The following MTMR3 variants were observed in gnomAD, a reference collection of about 807,000 sequenced individuals.
The protein encoded by MTMR3 is myotubularin related protein 3.
MTMR3 carries 32 observed loss-of-function variants against 132.4 expected under a neutral mutation model. The ratio of observed to expected loss-of-function variants is 0.24; its 90% CI spans 0.18 to 0.32. The LOEUF (loss-of-function observed/expected upper bound fraction) is 0.32. MTMR3 is among the 10% of genes least tolerant of loss of function. MTMR3 has a pLI of 1.00. For missense variants in MTMR3, 1,216 were observed against 1,489.6 expected, an observed-to-expected ratio of 0.82 and a Z score of 3.02; for synonymous variants, 556 against 550.3, an observed-to-expected ratio of 1.01 and a Z score of -0.14.
rs2067777741 is a variant in MTMR3, at chr22:30,022,204, C to G, written c.3336+65C>G. 6.2e-6 allele frequency: 8 copies of G among 1,298,788 alleles called. No individual in the cohort carries two copies. The South Asian group carries it at 8.6e-5, about 14-fold the overall frequency. The allele number at this position is 1,298,788 out of a possible 1,614,324, so 80.5% of individuals were successfully genotyped here. On this transcript the variant is annotated intron_variant, in intron 18 of 19. Coordinates refer to ENST00000401950, the MANE Select transcript of MTMR3 (RefSeq NM_021090.4). The stretch of plus-strand genomic sequence containing the variant: ...CTGTTTTGTGGTTCTTCTCCACCCC[C>G]ATTCCCACCCCATACCCCTGGCCAA...
At chr22:29,919,125 AAT>A (rs2065361756) in intron 1 of MTMR3, among the ~76,000 whole-genome samples, 2 of 152,182 alleles carry the variant, frequency 1.3e-5, no homozygotes. Context: ...TTTTTCGGAA[AAT>A]ATATGACTGC....
At chr22:29,935,386 G>A (rs762482927) in intron 1 of MTMR3, among the ~76,000 whole-genome samples, 10 of 152,064 alleles carry the variant, frequency 6.6e-5, no homozygotes, top group Non-Finnish European at 1.2e-4. Flanking sequence ...TGCCTGAATT[G>A]GGTTTTGAGA....
chr22:29,999,696 G>C (rs2067129729), intron 8 of MTMR3: 1 of 152,188 alleles, frequency 6.6e-6, no homozygotes, highest in South Asian at 2.1e-4. Flanking sequence ...TCACTGCTAT[G>C]ATCATTTAAC....
At chr22:29,908,201 C>T (rs1040863780) in intron 1 of MTMR3, among the ~76,000 whole-genome samples, 1 of 152,154 alleles carries the variant, frequency 6.6e-6, no homozygotes, top group African/African-American at 2.4e-5. Flanking sequence ...TTCTACGGAC[C>T]TGGATGAGAA....
chr22:29,911,283 C>T (rs776070006), intron 1 of MTMR3, among the ~76,000 whole-genome samples: 2 of 152,152 alleles, frequency 1.3e-5, no homozygotes, highest in Non-Finnish European at 2.9e-5. Context: ...GTGGCTCGCA[C>T]CTGTAATCAC....
At chr22:29,949,131 ACACACACACACACCCCCC>A (rs1569019580) in intron 1 of MTMR3, among the ~76,000 whole-genome samples, 3 of 31,568 alleles carry the variant, frequency 9.5e-5, no homozygotes, top group East Asian at 8.8e-4. Flanking sequence ...ACACACACAC[ACACACACACACACCCCCC>A]CCCCCCCCCC....
At chr22:29,928,165 T>G (rs1035640534) in intron 1 of MTMR3, among the ~76,000 whole-genome samples, 1 of 125,250 alleles carries the variant, frequency 8.0e-6, no homozygotes, top group African/African-American at 3.2e-5. Flanking sequence ...ACTACATTTT[T>G]TTTTTCTTTT....
chr22:29,996,861 G>A (rs2145918292), intron 7 of MTMR3: 1 of 152,166 alleles, frequency 6.6e-6, no homozygotes, highest in African/African-American at 2.4e-5. Context: ...TCAAGTAGCT[G>A]GGACTATAGG....
In MTMR3 at chr22:30,020,408, T is replaced by C; in HGVS notation, c.2749T>C (p.Leu917=). ...CAGCCTGACACGTTCCCCTTGTGCC[T>C]TGCCTTTAGCCGAATGTAAAGAGGG... The part of the protein sequence containing the change: ...TLSLTRSPCA[L]PLAECKEGLV... Residue 917 remains leucine (L), a synonymous_variant, in exon 17 of 20, where the codon TTG becomes CTG. Transcript: ENST00000401950. The C allele has an allele frequency of 6.2e-7, 1 of 1,614,204 alleles. No individual in the cohort carries two copies. Among genetic ancestry groups the C allele is most frequent in the South Asian group, 1.1e-5 (1 of 91,090 alleles).
At chr22:29,992,885 C>G (rs2066992086) in intron 7 of MTMR3, 1 of 152,194 alleles carries the variant, frequency 6.6e-6, no homozygotes, top group African/African-American at 2.4e-5. Flanking sequence ...TTGATAAATA[C>G]TTTTGTTTGA....
intron 3 of MTMR3, among the ~76,000 whole-genome samples, chr22:29,972,768 G>A (rs566407608): frequency 4.6e-5 from 7 of 152,102 alleles, no homozygotes; most frequent in African/African-American, 1.2e-4. Context: ...ACGGGGTTTC[G>A]CCATGTTGGC....
intron 1 of MTMR3, among the ~76,000 whole-genome samples, chr22:29,909,952 G>A (rs1208490500): frequency 6.6e-6 from 1 of 151,916 alleles, no homozygotes; most frequent in Non-Finnish European, 1.5e-5. Context: ...TGAGGAGACC[G>A]AGACCATCCT....
rs1316742660 is a variant in MTMR3 at position 30,026,401 on chromosome 22, C to T, written c.*600C>T. On this transcript the variant is annotated 3_prime_UTR_variant, in exon 20 of 20. Transcript: ENST00000401950. ...AGGCTGATGTTTGGAGGGAGAGGCA[C>T]ACGGTAAATGGCATCCCCTTAGGCG... 1 of 152,816 alleles carries T rather than the reference C, an allele frequency of 6.5e-6. No individual in the cohort carries two copies. The highest frequency in any genetic ancestry group is 2.4e-5 in the African/African-American group (1 of 41,456). The allele number at this position is 152,816 out of a possible 1,614,324, so 9.5% of individuals were successfully genotyped here. A position where few individuals can be genotyped will look rare whatever the true frequency, so the allele number is the denominator to read the frequency against.
intron 2 of MTMR3, among the ~76,000 whole-genome samples, chr22:29,970,304 A>G (rs567549697): frequency 1.3e-5 from 2 of 152,252 alleles, no homozygotes; most frequent in East Asian, 3.9e-4. Flanking sequence ...CTAAAATACT[A>G]CAAGAATAAT....
At chr22:29,970,951 T>TTCCCCTTTTTCCCCCCC in intron 2 of MTMR3, 25 bp from the exon 3 acceptor site, 2 of 680,382 alleles carry the variant, frequency 2.9e-6, no homozygotes, top group Non-Finnish European at 4.6e-6. Flanking sequence ...TTTTTCTTCT[T>TTCCCCTTTTTCCCCCCC]CCCCCTCTTC....
At chr22:29,977,234 A>C (rs746792345) in intron 3 of MTMR3, among the ~76,000 whole-genome samples, 1 of 152,110 alleles carries the variant, frequency 6.6e-6, no homozygotes, top group African/African-American at 2.4e-5. Flanking sequence ...GGAGGTTACA[A>C]TTAGCTGTGA....
chr22:29,959,019 C>G (rs75167998), intron 2 of MTMR3, among the ~76,000 whole-genome samples: 5 of 152,234 alleles, frequency 3.3e-5, no homozygotes, highest in East Asian at 1.9e-4. Flanking sequence ...CCTTGTAGTC[C>G]AAGTTGCTCC....
At chr22:29,909,837 C>G (rs1370317122) in intron 1 of MTMR3, among the ~76,000 whole-genome samples, 1 of 152,132 alleles carries the variant, frequency 6.6e-6, no homozygotes, top group Non-Finnish European at 1.5e-5. Context: ...TGCCTCAGAT[C>G]GAGCTTGAAA....
At position 30,028,380 on chromosome 22, in the gene MTMR3, C is replaced by T. The variant is rs565681315; in HGVS notation, c.*2579C>T. On this transcript the variant is annotated 3_prime_UTR_variant, in exon 20 of 20. Transcript: ENST00000401950. ...TTGGGTTATGCAGTCAACTAGAGGT[C>T]TCCTTCCCGCCCTCTCTCCACACAG... is the stretch of plus-strand genomic sequence containing the variant. 1 of 152,504 alleles carries T rather than the reference C, an allele frequency of 6.6e-6. No individual in the cohort carries two copies. Among genetic ancestry groups the T allele is most frequent in the South Asian group, 2.1e-4 (1 of 4,830 alleles). The allele number at this position is 152,504 out of a possible 1,614,324, so 9.4% of individuals were successfully genotyped here. A position where few individuals can be genotyped will look rare whatever the true frequency, so the allele number is the denominator to read the frequency against.
Sources: allele counts gnomAD v4.1 joint callset (sites outside exome capture counted in the v4.1 genomes callset), GRCh38; gene constraint gnomAD v4.1.1; transcripts MANE v1.5; gene names NCBI Gene and HGNC (gene_info 2026-07-23, HGNC 2026-07-21).